SAMD8: variants seen among roughly 807,000 people sequenced by gnomAD.
The protein encoded by SAMD8 is sterile alpha motif domain containing 8.
A neutral mutation model predicts 42.0 loss-of-function variants in SAMD8; 20 were observed. The ratio of observed to expected loss-of-function variants is 0.48; its 90% CI spans 0.34 to 0.69. The LOEUF is 0.69. Among genes scored for constraint, SAMD8 ranks in the 30% least tolerant of loss-of-function variants. SAMD8 has a pLI of 0.01. For synonymous variants in SAMD8, 162 were observed against 173.0 expected (o/e 0.94, Z 0.50); for missense variants, 328 against 511.6 (o/e 0.64, Z 3.46).
intron 1 of SAMD8, among the ~76,000 whole-genome samples, chr10:75,119,339 TA>T (rs1271734046): frequency 6.6e-6 from 1 of 152,142 alleles, no homozygotes; most frequent in African/African-American, 2.4e-5. Context: ...GTATTTTTAG[TA>T]GAGACGGGGT....
upstream of SAMD8, chr10:75,109,130 C>G (rs762584207): frequency 6.2e-6 from 10 of 1,606,168 alleles, no homozygotes; most frequent in South Asian, 4.4e-5. Flanking sequence ...TCCTCTCCCC[C>G]CAGCTCTGGG....
At chr10:75,102,845 G>A (rs181726094) in intron 1 of SAMD8, among the ~76,000 whole-genome samples, 216 of 152,000 alleles carry the variant, frequency 1.4e-3, no homozygotes, top group Middle Eastern at 3.4e-3. Flanking sequence ...CCAGCTACTC[G>A]GGAGCCTGAG....
Position 75,176,852 on chromosome 10 carries a change from A to G in SAMD8, c.*160A>G. 1 of 598,094 alleles carries G rather than the reference A, an allele frequency of 1.7e-6. No individual in the cohort carries two copies. The highest frequency in any genetic ancestry group is 2.8e-5 in the East Asian group (1 of 35,314). The allele number at this position is 598,094 out of a possible 1,614,324, so 37.0% of individuals were successfully genotyped here. On this transcript the variant is annotated 3_prime_UTR_variant, in exon 6 of 6. Coordinates refer to ENST00000542569, the MANE Select transcript of SAMD8 (RefSeq NM_001174156.2). This position sits in a 1 kb window ranked among gnomAD's most constrained non-coding sequence, Gnocchi z 4.3. ...AAGTTATGATTATAAAAAGCAAGAA[A>G]GAACAATCAAGAGTCCTTATGTAGC... is the stretch of plus-strand genomic sequence containing the variant.
intron 1 of SAMD8, among the ~76,000 whole-genome samples, chr10:75,130,832 C>A (rs569208225): frequency 6.6e-6 from 1 of 152,172 alleles, no homozygotes; most frequent in South Asian, 2.1e-4. Flanking sequence ...TTCATTGTCT[C>A]GTGTAAAATG....
intron 4 of SAMD8, among the ~76,000 whole-genome samples, chr10:75,175,515 CATTT>C (rs549084623): frequency 0.017 from 2,594 of 151,664 alleles, 79 homozygotes; most frequent in African/African-American, 0.059. Flanking sequence ...ACAGTGATTT[CATTT>C]ATTTATTTAT....
At chr10:75,170,059 A>T (rs1332773793) in intron 4 of SAMD8, among the ~76,000 whole-genome samples, 1 of 152,228 alleles carries the variant, frequency 6.6e-6, no homozygotes, top group Non-Finnish European at 1.5e-5. Context: ...TGTACTGTAG[A>T]CATCTCTTCT....
chr10:75,153,959 G>A (rs1385029705), intron 2 of SAMD8, among the ~76,000 whole-genome samples: 2 of 152,076 alleles, frequency 1.3e-5, no homozygotes, highest in African/African-American at 2.4e-5. Context: ...TAGAGACAAG[G>A]TTTCACTGTG....
At chr10:75,109,332 A>C, upstream of SAMD8, 2 of 580,612 alleles carry the variant, frequency 3.4e-6, no homozygotes, top group Non-Finnish European at 2.8e-6. Flanking sequence ...CCCACCCCCA[A>C]ACTCCATGAG....
chr10:75,126,648 C>T (rs953878378), intron 1 of SAMD8, among the ~76,000 whole-genome samples: 8 of 151,294 alleles, frequency 5.3e-5, no homozygotes, highest in African/African-American at 1.2e-4. Context: ...ACTATAGGCA[C>T]GTGCCACCAC....
At chr10:75,151,924 G>A (rs1429385330) in intron 2 of SAMD8, among the ~76,000 whole-genome samples, 2 of 152,008 alleles carry the variant, frequency 1.3e-5, no homozygotes, top group African/African-American at 4.8e-5. Flanking sequence ...CCTGACTTCA[G>A]GCAGTCCGCC....
intron 1 of SAMD8, among the ~76,000 whole-genome samples, chr10:75,150,118 G>GT (rs74798749): frequency 3.4e-5 from 5 of 146,384 alleles, no homozygotes; most frequent in East Asian, 2.0e-4. Flanking sequence ...ATAGTTTTTT[G>GT]TTTTTTTTTC....
chr10:75,134,592 G>A (rs576448124), intron 1 of SAMD8, among the ~76,000 whole-genome samples: 5 of 152,044 alleles, frequency 3.3e-5, no homozygotes, highest in African/African-American at 4.8e-5. Flanking sequence ...CCAAGATCAC[G>A]CCACTGCACT....
At chr10:75,112,454 TTCTCG>T (rs112515478) in intron 1 of SAMD8, among the ~76,000 whole-genome samples, 2,470 of 152,290 alleles carry the variant, frequency 0.016, 68 homozygotes, top group African/African-American at 0.056. Flanking sequence ...TCGTGGGGCT[TTCTCG>T]TTCGTGCACA....
intron 4 of SAMD8, among the ~76,000 whole-genome samples, chr10:75,171,154 CTTTTTCTTT>C (rs1840853379): frequency 9.2e-6 from 1 of 108,206 alleles, no homozygotes; most frequent in Non-Finnish European, 1.9e-5. Context: ...TTCTTTCTTT[CTTTTTCTTT>C]TTTTTTTTTT....
intron 4 of SAMD8, among the ~76,000 whole-genome samples, chr10:75,172,549 G>A (rs761096228): frequency 1.3e-5 from 2 of 151,268 alleles, no homozygotes; most frequent in African/African-American, 2.4e-5. Context: ...CCCGGCTAGC[G>A]TGCGGTGGTG....
chr10:75,102,032 C>T (rs1054102396), intron 1 of SAMD8: 2 of 1,186,952 alleles, frequency 1.7e-6, no homozygotes, highest in East Asian at 1.0e-4. Flanking sequence ...CCTGCCACTC[C>T]CAACTTGTCC....
At chr10:75,174,609 A>T (rs1448328130) in intron 4 of SAMD8, among the ~76,000 whole-genome samples, 1 of 119,780 alleles carries the variant, frequency 8.3e-6, no homozygotes. Context: ...TAATTTTTGT[A>T]CTTTTAGTAG....
chr10:75,148,046 T>G (rs1433537421), intron 1 of SAMD8, among the ~76,000 whole-genome samples: 2 of 152,156 alleles, frequency 1.3e-5, no homozygotes, highest in Non-Finnish European at 2.9e-5. Context: ...ATAATAATTT[T>G]CAAAGACAGG....
intron 1 of SAMD8, chr10:75,125,855 C>T (rs7068198): frequency 0.084 from 12,785 of 152,214 alleles, 736 homozygotes; most frequent in African/African-American, 0.16. Context: ...CCATGACCTC[C>T]ACCAAAGTCC....
Sources: gnomAD v4.1 joint callset for allele counts (sites outside exome capture counted in the v4.1 genomes callset) on GRCh38, gnomAD v4.1.1 for gene constraint, Gnocchi (gnomAD v3.1) non-coding constraint, MANE v1.5 for transcripts, NCBI Gene and HGNC (gene_info 2026-07-23, HGNC 2026-07-21) for gene names.